DNAJC24: variants seen among roughly 807,000 people sequenced by gnomAD.
DNAJC24 encodes the protein dnaJ homolog subfamily C member 24.
DNAJC24 carries 17 observed loss-of-function variants against 18.0 expected under a neutral mutation model. The ratio of observed to expected loss-of-function variants is 0.94; its 90% CI spans 0.65 to 1.42. The LOEUF is 1.42. Ranked by LOEUF, DNAJC24 falls within the 40% of genes most tolerant of loss-of-function variation. DNAJC24 has a pLI of 0.00. For synonymous variants in DNAJC24, 55 were observed against 57.7 expected, an observed-to-expected ratio of 0.95 and a Z score of 0.21; for missense variants, 158 against 175.6, an observed-to-expected ratio of 0.90 and a Z score of 0.57.
intron 2 of DNAJC24, among the ~76,000 whole-genome samples, chr11:31,371,413 A>G (rs1952248691): frequency 6.6e-6 from 1 of 152,196 alleles, no homozygotes; most frequent in Non-Finnish European, 1.5e-5. Flanking sequence ...AACTTCTTAA[A>G]AGAATTCTTG....
chr11:31,386,865 C>A (rs957567698), intron 2 of DNAJC24, among the ~76,000 whole-genome samples: 1 of 152,186 alleles, frequency 6.6e-6, no homozygotes, highest in Non-Finnish European at 1.5e-5. Flanking sequence ...GAGGAGCCCA[C>A]TGCCCTGAAG....
intron 2 of DNAJC24, among the ~76,000 whole-genome samples, chr11:31,373,260 C>T (rs988745939): frequency 3.0e-5 from 4 of 134,134 alleles, no homozygotes; most frequent in African/African-American, 1.0e-4. Context: ...GAATATTCTT[C>T]GATGTTTTCT....
rs7119246 is a variant in DNAJC24 at position 31,429,479 on chromosome 11, A to C, written c.320-792A>C. On this transcript the variant is annotated intron_variant, in intron 4 of 4. Transcript: ENST00000465995. Reference sequence around the variant, plus strand: ...GTGACTGATAAGTTATTTTCCTTTGACAGTTACTTCTCAGAGACAGTAAAA... The same window carrying C: ...GTGACTGATAAGTTATTTTCCTTTGCCAGTTACTTCTCAGAGACAGTAAAA... The C allele has an allele frequency of 9.0e-3, 3,610 of 402,240 alleles. 32 individuals are homozygous for C. The highest frequency in any genetic ancestry group is 0.014 in the Non-Finnish European group (2,572 of 188,086). The allele number at this position is 402,240 out of a possible 1,614,324, so 24.9% of individuals were successfully genotyped here. A position where few individuals can be genotyped will look rare whatever the true frequency, so the allele number is the denominator to read the frequency against.
At chr11:31,400,696 C>T (rs1003475954) in intron 2 of DNAJC24, among the ~76,000 whole-genome samples, 2 of 152,146 alleles carry the variant, frequency 1.3e-5, no homozygotes, top group African/African-American at 2.4e-5. Flanking sequence ...TGAAACTGGA[C>T]CCCTTCCTTA....
intron 2 of DNAJC24, among the ~76,000 whole-genome samples, chr11:31,390,167 G>A (rs187662469): frequency 3.4e-4 from 51 of 152,110 alleles, no homozygotes; most frequent in African/African-American, 1.1e-3. Context: ...AGGCCAATGC[G>A]GGTGGATCAC....
At chr11:31,383,365 A>G (rs1347443194) in intron 2 of DNAJC24, among the ~76,000 whole-genome samples, 2 of 152,140 alleles carry the variant, frequency 1.3e-5, no homozygotes, top group Admixed American at 1.3e-4. Context: ...CCATTAGCAT[A>G]CAAAAGATAC....
intron 2 of DNAJC24, among the ~76,000 whole-genome samples, chr11:31,398,709 A>G (rs1198022569): frequency 6.6e-6 from 1 of 152,196 alleles, no homozygotes; most frequent in East Asian, 1.9e-4. Flanking sequence ...AATGATCAAG[A>G]TCAATTAATA....
chr11:31,381,508 G>T (rs894116329), intron 2 of DNAJC24, among the ~76,000 whole-genome samples: 1 of 151,800 alleles, frequency 6.6e-6, no homozygotes, highest in Admixed American at 6.6e-5. Flanking sequence ...GTCTGGAAAA[G>T]ACATATCTTT....
chr11:31,430,136 T>C, intron 4 of DNAJC24, 135 bp from the exon 5 acceptor site: 1 of 743,344 alleles, frequency 1.3e-6, no homozygotes, highest in South Asian at 3.2e-5. Flanking sequence ...AGTTCTCCTT[T>C]AAATACATTT....
In DNAJC24 at chr11:31,431,883, T is replaced by C. The variant is rs1037851152; in HGVS notation, c.*1482T>C. ...GCCTGTATTTATGAAGACAGGGCCA[T>C]TGCACTGCTGCTATGCTGAAATGAA... On this transcript the variant is annotated 3_prime_UTR_variant, in exon 5 of 5. Coordinates refer to ENST00000465995, the MANE Select transcript of DNAJC24 (RefSeq NM_181706.5). The C allele has an allele frequency of 3.3e-5, 5 of 152,196 alleles. No individual in the cohort carries two copies. Among genetic ancestry groups the C allele is most frequent in the Non-Finnish European group, 5.9e-5 (4 of 68,040 alleles). The allele number at this position is 152,196 out of a possible 1,614,324, so 9.4% of individuals were successfully genotyped here.
intron 4 of DNAJC24, chr11:31,429,617 G>A (rs924118062): frequency 1.0e-4 from 28 of 277,778 alleles, no homozygotes; most frequent in Admixed American, 2.9e-4. Context: ...GTATTGCACC[G>A]TATTGCCTCC....
chr11:31,415,093 T>A (rs183868184), intron 3 of DNAJC24, 144 bp downstream of exon 3: 7 of 856,378 alleles, frequency 8.2e-6, no homozygotes, highest in Non-Finnish European at 1.0e-5. Context: ...TTTTTAATTA[T>A]GCCCTATTCT....
intron 2 of DNAJC24, among the ~76,000 whole-genome samples, chr11:31,392,668 G>A (rs1033332119): frequency 6.6e-6 from 1 of 151,182 alleles, no homozygotes; most frequent in East Asian, 1.9e-4. Context: ...TGAGATTAAT[G>A]CCCTTATATA....
chr11:31,410,459 T>C (rs758318517), intron 2 of DNAJC24, among the ~76,000 whole-genome samples: 1 of 152,232 alleles, frequency 6.6e-6, no homozygotes, highest in Non-Finnish European at 1.5e-5. Flanking sequence ...ATGCAGCCAG[T>C]ATTTTCTCTC....
intron 2 of DNAJC24, among the ~76,000 whole-genome samples, chr11:31,385,816 A>C (rs1031596634): frequency 4.6e-5 from 7 of 152,296 alleles, no homozygotes; most frequent in African/African-American, 1.7e-4. Context: ...CATCAAATTG[A>C]ATAACTATAT....
intron 3 of DNAJC24, chr11:31,417,450 T>A (rs1952760615): frequency 6.6e-6 from 1 of 152,092 alleles, no homozygotes; most frequent in Admixed American, 6.5e-5. Context: ...GATTTAGGTT[T>A]GCTAGAAGGA....
intron 1 of DNAJC24, among the ~76,000 whole-genome samples, chr11:31,370,225 A>G (rs960095230): frequency 1.3e-5 from 2 of 152,120 alleles, no homozygotes; most frequent in African/African-American, 4.8e-5. Context: ...TTCCCATATC[A>G]TGCTCTCCAG....
At chr11:31,422,796 G>GA (rs552276925) in intron 3 of DNAJC24, among the ~76,000 whole-genome samples, 95 of 150,256 alleles carry the variant, frequency 6.3e-4, no homozygotes, top group Middle Eastern at 3.4e-3. Context: ...TGTTTAAAAA[G>GA]AAAAAAAAAC....
intron 2 of DNAJC24, among the ~76,000 whole-genome samples, chr11:31,411,064 A>G (rs1183716028): frequency 6.6e-6 from 1 of 152,010 alleles, no homozygotes; most frequent in African/African-American, 2.4e-5. Context: ...TAAGGGCAAG[A>G]AAAAAAATAA....
Sources: gnomAD v4.1 joint callset for allele counts (sites outside exome capture counted in the v4.1 genomes callset) on GRCh38, gnomAD v4.1.1 for gene constraint, MANE v1.5 for transcripts, NCBI Gene and HGNC (gene_info 2026-07-23, HGNC 2026-07-21) for gene names.